Variants in IL20RB observed in about 807,000 individuals in gnomAD.
The protein encoded by IL20RB is interleukin 20 receptor subunit beta.
IL20RB carries 21 observed loss-of-function variants against 33.3 expected under a neutral mutation model. The observed-to-expected ratio is 0.63, with a 90% CI of 0.45 to 0.91. The LOEUF (loss-of-function observed/expected upper bound fraction) is 0.91. Ranked by LOEUF, IL20RB falls within the 40% of genes least tolerant of loss-of-function variation. The pLI is 0.00. For synonymous variants in IL20RB, 147 were observed against 146.8 expected (o/e 1.00, Z -0.01); for missense variants, 345 against 384.8 (o/e 0.90, Z 0.86).
At chr3:136,960,584 C>T (rs1010412710) in intron 1 of IL20RB, among the ~76,000 whole-genome samples, 1 of 152,160 alleles carries the variant, frequency 6.6e-6, no homozygotes, top group African/African-American at 2.4e-5. Context: ...ACACATTGTG[C>T]CTTCAGTTAG....
chr3:136,988,562 A>G (rs1389386210), intron 3 of IL20RB, among the ~76,000 whole-genome samples: 1 of 152,074 alleles, frequency 6.6e-6, no homozygotes, highest in African/African-American at 2.4e-5. Flanking sequence ...CAATGTGGTG[A>G]AGTCCCATCT....
chr3:136,979,816 C>T (rs925933152), intron 1 of IL20RB, among the ~76,000 whole-genome samples: 7 of 152,276 alleles, frequency 4.6e-5, no homozygotes, highest in Admixed American at 2.6e-4. Flanking sequence ...ACCCATTTGG[C>T]CTTGTTGAGG....
intron 6 of IL20RB, among the ~76,000 whole-genome samples, chr3:137,000,840 A>G (rs1942229149): frequency 6.6e-6 from 1 of 152,180 alleles, no homozygotes; most frequent in African/African-American, 2.4e-5. Flanking sequence ...GCTTACTCTT[A>G]CAGGCAACTA....
At chr3:137,008,236 G>T (rs1188526884) in intron 6 of IL20RB, among the ~76,000 whole-genome samples, 1 of 152,098 alleles carries the variant, frequency 6.6e-6, no homozygotes, top group African/African-American at 2.4e-5. Flanking sequence ...AGTGGAGTTT[G>T]TGAACTCAGA....
At chr3:136,979,997 C>G (rs1224272715) in intron 1 of IL20RB, among the ~76,000 whole-genome samples, 1 of 152,178 alleles carries the variant, frequency 6.6e-6, no homozygotes, top group Non-Finnish European at 1.5e-5. Context: ...CCTAGCCAGT[C>G]TAACAGAAGA....
intron 3 of IL20RB, 38 bp downstream of exon 3, chr3:136,982,388 G>A: frequency 7.0e-7 from 1 of 1,431,576 alleles, no homozygotes; most frequent in Non-Finnish European, 9.5e-7. Context: ...ACCCCAACCA[G>A]CCCCTCCTTT....
chr3:136,971,750 G>T (rs1463352887), intron 1 of IL20RB, among the ~76,000 whole-genome samples: 1 of 152,114 alleles, frequency 6.6e-6, no homozygotes, highest in Non-Finnish European at 1.5e-5. Flanking sequence ...TGGACACTTA[G>T]GTTGATTTCA....
At chr3:136,969,541 C>T (rs1265374443) in intron 1 of IL20RB, among the ~76,000 whole-genome samples, 4 of 145,308 alleles carry the variant, frequency 2.8e-5, no homozygotes, top group South Asian at 4.6e-4. Flanking sequence ...GGCAATGCCT[C>T]GCCCTGCTTC....
At chr3:136,987,878 C>G (rs986159137) in intron 3 of IL20RB, among the ~76,000 whole-genome samples, 1 of 152,188 alleles carries the variant, frequency 6.6e-6, no homozygotes, top group African/African-American at 2.4e-5. Flanking sequence ...CCGGCTGCTC[C>G]GAGTGCGGGG....
Position 136,992,040 on chromosome 3 carries a change from A to G in IL20RB, c.634A>G (p.Ile212Val). 1 of 1,614,184 alleles carries G rather than the reference A, an allele frequency of 6.2e-7. No homozygotes were observed. Among genetic ancestry groups the G allele is most frequent in the Non-Finnish European group, 8.5e-7 (1 of 1,180,026 alleles). The change falls in exon 5 of 7, where the codon ATT becomes GTT. Residue 212 changes from isoleucine to valine, a missense_variant. Coordinates refer to ENST00000329582, the MANE Select transcript of IL20RB (RefSeq NM_144717.4). ...CVKAQTFVKA[I>V]GRYSAFSQTE... is the part of the protein sequence containing the mutation. ...GAAGGCCCAGACATTCGTGAAGGCC[A>G]TTGGGAGGTACAGCGCCTTCAGCCA...
chr3:136,995,344 G>A (rs1942104832), intron 5 of IL20RB, 70 bp from the exon 6 acceptor site: 1 of 1,562,936 alleles, frequency 6.4e-7, no homozygotes, highest in African/African-American at 1.4e-5. Flanking sequence ...AGGAAACCGG[G>A]GGAGGCTCAG....
At chr3:137,004,896 G>A (rs1942322022) in intron 6 of IL20RB, among the ~76,000 whole-genome samples, 2 of 152,126 alleles carry the variant, frequency 1.3e-5, no homozygotes, top group South Asian at 4.1e-4. Context: ...TTTCTCTTGT[G>A]AGCATTTAGT....
chr3:136,989,395 A>AC lies in IL20RB; in HGVS notation c.407-43dup, dbSNP rs562077692. ...CGGTCATTGTGTTCCAGGGAAATCA[A>AC]CCCTGTCTGGGGCTGGCTTTGACTC... On this transcript the variant is annotated intron_variant, in intron 3 of 6. Coordinates refer to ENST00000329582, the MANE Select transcript of IL20RB (RefSeq NM_144717.4). 6.6e-4 allele frequency: 1,067 copies of AC among 1,609,730 alleles called. 26 individuals carry two copies. In the East Asian group the frequency reaches 0.012, roughly 19 times the overall value.
At chr3:137,009,107 C>T (rs1239622951) in intron 6 of IL20RB, among the ~76,000 whole-genome samples, 2 of 152,164 alleles carry the variant, frequency 1.3e-5, no homozygotes, top group Admixed American at 6.5e-5. Context: ...CAAGAGTGAG[C>T]CTCTGTGGCT....
chr3:137,002,682 TG>T (rs1942270905), intron 6 of IL20RB, among the ~76,000 whole-genome samples: 1 of 152,222 alleles, frequency 6.6e-6, no homozygotes, highest in Admixed American at 6.5e-5. Context: ...CTTTGTCAGA[TG>T]GGTAGATTGC....
At chr3:136,962,318 A>C (rs1040390335) in intron 1 of IL20RB, among the ~76,000 whole-genome samples, 4 of 152,200 alleles carry the variant, frequency 2.6e-5, no homozygotes, top group Non-Finnish European at 5.9e-5. Context: ...GGTTAACATC[A>C]CCAGTAATAA....
Position 136,978,803 on chromosome 3 carries a change from G to C in IL20RB, c.89-1663G>C, listed in dbSNP as rs542713158. On this transcript the variant is annotated intron_variant, in intron 1 of 6. Coordinates refer to ENST00000329582, the MANE Select transcript of IL20RB (RefSeq NM_144717.4). ...GGCCTCATAAAGTAAGCTGGAAACTGTTCTTTCCTATTCTATGTTTTAGAG... is the reference window on the plus strand; with the variant it reads ...GGCCTCATAAAGTAAGCTGGAAACTCTTCTTTCCTATTCTATGTTTTAGAG... Among the ~76,000 whole-genome samples the C allele has an allele frequency of 2.0e-5, 3 of 152,214 alleles. No homozygotes were observed. In the East Asian group the frequency reaches 5.8e-4, roughly 29 times the overall value.
intron 3 of IL20RB, among the ~76,000 whole-genome samples, chr3:136,987,108 A>G (rs950296205): frequency 6.6e-6 from 1 of 152,118 alleles, no homozygotes; most frequent in African/African-American, 2.4e-5. Flanking sequence ...AAGCTTCCAC[A>G]GTGTGGAAGG....
chr3:136,972,378 T>C (rs993289526), intron 1 of IL20RB, among the ~76,000 whole-genome samples: 4 of 152,194 alleles, frequency 2.6e-5, no homozygotes, highest in Admixed American at 2.6e-4. Context: ...CTCAGGAGGA[T>C]TGATATTAAT....
Sources: allele counts gnomAD v4.1 joint callset (sites outside exome capture counted in the v4.1 genomes callset), GRCh38; gene constraint gnomAD v4.1.1; transcripts MANE v1.5; gene names NCBI Gene and HGNC (gene_info 2026-07-23, HGNC 2026-07-21).